The following HOOK3 variants were observed in gnomAD, a reference collection of about 807,000 sequenced individuals.
The protein encoded by HOOK3 is protein Hook homolog 3.
A neutral mutation model predicts 116.3 loss-of-function variants in HOOK3; 24 were observed. The ratio of observed to expected loss-of-function variants is 0.21; its 90% CI spans 0.15 to 0.29. HOOK3 has a LOEUF of 0.29. Ranked by LOEUF, HOOK3 falls within the 10% of genes least tolerant of loss-of-function variation. The pLI is 1.00. For missense variants in HOOK3, 632 were observed against 830.2 expected (o/e 0.76, Z 2.93); for synonymous variants, 275 against 283.0 (o/e 0.97, Z 0.28).
chr8:42,975,906 C>T (rs564545667), intron 13 of HOOK3, among the ~76,000 whole-genome samples: 1 of 152,004 alleles, frequency 6.6e-6, no homozygotes, highest in African/African-American at 2.4e-5. Flanking sequence ...AGGGTTTCAC[C>T]GTGTTAGCCA....
At chr8:43,005,199 C>CTCTA (rs151178560) in intron 17 of HOOK3, among the ~76,000 whole-genome samples, 40,187 of 97,018 alleles carry the variant, frequency 0.41, 8,327 homozygotes, top group Middle Eastern at 0.53. Flanking sequence ...CTCTCTCTCT[C>CTCTA]TATATATATA....
At chr8:42,906,151 C>CT (rs760562693) in intron 1 of HOOK3, 22 bp from the exon 2 acceptor site, 2 of 1,101,480 alleles carry the variant, frequency 1.8e-6, no homozygotes, top group African/African-American at 1.6e-5. Context: ...TCTCTCCCCC[C>CT]CCCCTCTTTT....
intron 5 of HOOK3, among the ~76,000 whole-genome samples, chr8:42,949,119 G>A (rs1808290980): frequency 6.6e-6 from 1 of 152,142 alleles, no homozygotes; most frequent in African/African-American, 2.4e-5. Flanking sequence ...ACAGTTTCAT[G>A]GTAAGACCCC....
chr8:42,949,745 C>T (rs1244419392), intron 5 of HOOK3, among the ~76,000 whole-genome samples: 2 of 151,964 alleles, frequency 1.3e-5, no homozygotes, highest in African/African-American at 2.4e-5. Flanking sequence ...TGGTGAAAAC[C>T]GGTCTCTACT....
intron 21 of HOOK3, among the ~76,000 whole-genome samples, chr8:43,013,715 T>C (rs1309421919): frequency 6.6e-6 from 1 of 152,216 alleles, no homozygotes; most frequent in African/African-American, 2.4e-5. Context: ...TGCAATAGTT[T>C]TTGTTTTGTG....
intron 15 of HOOK3, among the ~76,000 whole-genome samples, chr8:42,991,772 G>T (rs539256271): frequency 9.9e-5 from 15 of 151,830 alleles, no homozygotes; most frequent in East Asian, 1.9e-4. Context: ...CCTTTTAGTG[G>T]AGAACTGGGT....
rs147876903 is a variant in HOOK3 at position 43,005,159 on chromosome 8, T to C, written c.1656-2688T>C. ...ATACGTAATGATTAATGTATAAAAT[T>C]TAAATTGCACAAAATTAAGTGCTCT... On this transcript the variant is annotated intron_variant, in intron 17 of 21. Coordinates refer to ENST00000307602, the MANE Select transcript of HOOK3 (RefSeq NM_032410.4). Among the ~76,000 whole-genome samples, 655 of 148,184 alleles carry C rather than the reference T, an allele frequency of 4.4e-3. 7 individuals carry two copies. Among genetic ancestry groups the C allele is most frequent in the Middle Eastern group, 0.01 (3 of 286 alleles).
intron 4 of HOOK3, among the ~76,000 whole-genome samples, chr8:42,935,541 T>G (rs1807952746): frequency 6.6e-6 from 1 of 152,206 alleles, no homozygotes; most frequent in African/African-American, 2.4e-5. Context: ...ATTTAAGTCT[T>G]TAATCCATCT....
chr8:42,980,164 G>C (rs1164480922), intron 13 of HOOK3, among the ~76,000 whole-genome samples: 1 of 151,800 alleles, frequency 6.6e-6, no homozygotes, highest in Non-Finnish European at 1.5e-5. Context: ...ATGTTGGCCA[G>C]CTGGTCTTGA....
intron 4 of HOOK3, among the ~76,000 whole-genome samples, chr8:42,941,051 A>C (rs1413254575): frequency 6.6e-6 from 1 of 151,876 alleles, no homozygotes; most frequent in African/African-American, 2.4e-5. Context: ...GGTTCAAGTA[A>C]TTCTCCTCTC....
At chr8:42,980,446 T>C (rs1246766833) in intron 13 of HOOK3, among the ~76,000 whole-genome samples, 1 of 152,162 alleles carries the variant, frequency 6.6e-6, no homozygotes, top group Non-Finnish European at 1.5e-5. Flanking sequence ...ATGTTGAAAG[T>C]TAATACCCAA....
At chr8:42,906,149 C>A (rs757422029) in intron 1 of HOOK3, 24 bp from the exon 2 acceptor site, 10 of 1,046,870 alleles carry the variant, frequency 9.6e-6, no homozygotes, top group South Asian at 2.5e-5. Context: ...AATCTCTCCC[C>A]CCCCCCTCTT....
intron 11 of HOOK3, among the ~76,000 whole-genome samples, chr8:42,971,036 C>T (rs1808717987): frequency 6.6e-6 from 1 of 152,094 alleles, no homozygotes; most frequent in South Asian, 2.1e-4. Context: ...ATCCTCCTGC[C>T]TCGGCCTCCC....
At chr8:42,973,236 A>T in intron 11 of HOOK3, 53 bp from the exon 12 acceptor site, 3 of 1,542,950 alleles carry the variant, frequency 1.9e-6, no homozygotes, top group Non-Finnish European at 1.7e-6. Context: ...GAAAATAAGG[A>T]TAATTTCTAA....
chr8:42,979,886 G>A (rs974089551), intron 13 of HOOK3, among the ~76,000 whole-genome samples: 3 of 151,582 alleles, frequency 2.0e-5, no homozygotes, highest in African/African-American at 4.9e-5. Flanking sequence ...GATTATAACA[G>A]CATCCTCATT....
chr8:43,021,104 G>GAGA lies in HOOK3; in HGVS notation c.*2607_*2608insGAA. ...CGACAAGAGCGAAACTCTGTCGCAA[G>GAGA]AAAAAAAAAAAAAAAAAAAAAAAAA... On this transcript the variant is annotated 3_prime_UTR_variant, in exon 22 of 22. Coordinates refer to ENST00000307602, the MANE Select transcript of HOOK3 (RefSeq NM_032410.4). The GAGA allele has an allele frequency of 3.3e-5, 1 of 30,726 alleles. No homozygotes were observed. Among genetic ancestry groups the GAGA allele is most frequent in the Non-Finnish European group, 7.8e-5 (1 of 12,820 alleles). 1.9% of individuals were successfully genotyped at this position (30,726 alleles called of 1,614,324 possible). A position where few individuals can be genotyped will look rare whatever the true frequency, so the allele number is the denominator to read the frequency against.
chr8:42,993,349 G>GT (rs890340675), intron 15 of HOOK3, among the ~76,000 whole-genome samples: 2 of 152,180 alleles, frequency 1.3e-5, no homozygotes, highest in Non-Finnish European at 2.9e-5. Context: ...TTTTCACCGT[G>GT]TTGGCCAGGC....
intron 4 of HOOK3, among the ~76,000 whole-genome samples, chr8:42,931,449 TGA>T (rs753511261): frequency 2.3e-4 from 33 of 144,808 alleles, no homozygotes; most frequent in Non-Finnish European, 3.8e-4. Context: ...TTTTTTTTTT[TGA>T]GACGGAGTCT....
At chr8:42,909,944 G>A (rs1051157190) in intron 2 of HOOK3, among the ~76,000 whole-genome samples, 2 of 152,172 alleles carry the variant, frequency 1.3e-5, no homozygotes, top group Non-Finnish European at 2.9e-5. Context: ...GGGCCGAGGG[G>A]AATGGAGGAG....
Sources: gnomAD v4.1 joint callset for allele counts (sites outside exome capture counted in the v4.1 genomes callset) on GRCh38, gnomAD v4.1.1 for gene constraint, MANE v1.5 for transcripts, NCBI Gene and HGNC (gene_info 2026-07-23, HGNC 2026-07-21) for gene names.